Variants in ZNF714 observed in about 807,000 individuals in gnomAD.
The protein encoded by ZNF714 is zinc finger protein 714.
ZNF714 carries 32 observed loss-of-function variants against 46.2 expected under a neutral mutation model. The observed-to-expected ratio is 0.69, with a 90% CI of 0.52 to 0.93. ZNF714 has a LOEUF of 0.93. ZNF714 is among the 40% of genes least tolerant of loss of function. The probability of loss-of-function intolerance (pLI) is 0.00; values close to 1 mark genes in which losing one functional copy is unlikely to be tolerated. For synonymous variants in ZNF714, 199 were observed against 213.1 expected, an observed-to-expected ratio of 0.93 and a Z score of 0.58; for missense variants, 635 against 646.3, an observed-to-expected ratio of 0.98 and a Z score of 0.19.
In ZNF714 at chr19:21,098,097, C is replaced by T. The variant is rs188614372; in HGVS notation, c.-84-88C>T. On this transcript the variant is annotated intron_variant, in intron 2 of 4. Coordinates refer to ENST00000456283, the MANE Select transcript of ZNF714 (RefSeq NM_182515.4). ...CTTATAAGTCAACCAATTCTCTTTA[C>T]TCTCTCATTTCACCTTAATTCAAAT... is the stretch of plus-strand genomic sequence containing the variant. 6 of 1,501,304 alleles carry T rather than the reference C, an allele frequency of 4.0e-6. No individual in the cohort carries two copies. The African/African-American group carries it at 8.5e-5, about 21-fold the overall frequency. The allele number at this position is 1,501,304 out of a possible 1,614,324, so 93.0% of individuals were successfully genotyped here.
At chr19:21,088,571 A>G (rs1001162850) in intron 2 of ZNF714, among the ~76,000 whole-genome samples, 15 of 152,206 alleles carry the variant, frequency 9.9e-5, no homozygotes, top group Non-Finnish European at 1.5e-4. Context: ...TATTTTCCCA[A>G]TGATCTTTAA....
intron 4 of ZNF714, among the ~76,000 whole-genome samples, chr19:21,112,815 GA>G (rs1969480976): frequency 9.6e-5 from 4 of 41,690 alleles, no homozygotes; most frequent in Admixed American, 3.2e-4. Flanking sequence ...TTTTATTTCT[GA>G]TTTTTTTTTT....
chr19:21,082,368 C>A lies in ZNF714; in HGVS notation c.-177+20C>A, dbSNP rs566847329. 392 of 1,455,740 alleles carry A rather than the reference C, an allele frequency of 2.7e-4. No individual in the cohort carries two copies. The highest frequency in any genetic ancestry group is 3.4e-4 in the Non-Finnish European group (370 of 1,076,634). The allele number at this position is 1,455,740 out of a possible 1,614,324, so 90.2% of individuals were successfully genotyped here. A position where few individuals can be genotyped will look rare whatever the true frequency, so the allele number is the denominator to read the frequency against. The stretch of plus-strand genomic sequence containing the variant: ...GAAATGGTGAGAGTGCCGGGTCCGA[C>A]ATCCCGAGAGAGGGGAAGGGGCGGG... On this transcript the variant is annotated intron_variant, in intron 1 of 4. Coordinates refer to ENST00000456283, the MANE Select transcript of ZNF714 (RefSeq NM_182515.4).
chr19:21,096,714 G>C (rs1969049656), intron 2 of ZNF714, among the ~76,000 whole-genome samples: 1 of 152,100 alleles, frequency 6.6e-6, no homozygotes, highest in African/African-American at 2.4e-5. Flanking sequence ...GGAAGATGTG[G>C]ATACTCAAGA....
At chr19:21,104,084 T>G (rs112422727) in intron 4 of ZNF714, among the ~76,000 whole-genome samples, 42 of 152,152 alleles carry the variant, frequency 2.8e-4, no homozygotes, top group African/African-American at 1.0e-3. Context: ...GCTTAAGATA[T>G]CTCATATACA....
chr19:21,094,075 CTG>C (rs975487620), intron 2 of ZNF714, among the ~76,000 whole-genome samples: 4 of 152,264 alleles, frequency 2.6e-5, no homozygotes, highest in Non-Finnish European at 5.9e-5. Flanking sequence ...ACTGCAACCT[CTG>C]TCTCCTGGGT....
chr19:21,098,972 A>AC, intron 4 of ZNF714, 62 bp downstream of exon 4: 1 of 1,124,124 alleles, frequency 8.9e-7, no homozygotes. Context: ...AAAAAAAAAA[A>AC]AAGCAAGCCG....
chr19:21,116,150 C>A (rs903364782), intron 4 of ZNF714, among the ~76,000 whole-genome samples: 7 of 151,362 alleles, frequency 4.6e-5, no homozygotes, highest in African/African-American at 1.5e-4. Flanking sequence ...GGTTAGAGAT[C>A]CTGGTAGACT....
Position 21,087,071 on chromosome 19 carries a change from T to G in ZNF714, c.-85+3002T>G, listed in dbSNP as rs1968797789. On this transcript the variant is annotated intron_variant, in intron 2 of 4. Transcript: ENST00000456283. Reference sequence around the variant, plus strand: ...CAGTTCTCCATGAATACTGAAAGTTTTTTCTGTATTCTAATGTCACAATTT... The same window carrying G: ...CAGTTCTCCATGAATACTGAAAGTTGTTTCTGTATTCTAATGTCACAATTT... 2.0e-5 allele frequency among the ~76,000 whole-genome samples: 3 copies of G among 152,106 alleles called. No individual in the cohort carries two copies. The South Asian group carries it at 6.2e-4, about 31-fold the overall frequency.
In ZNF714 at chr19:21,118,212, G is replaced by A. The variant is rs1399788332; in HGVS notation, c.1548G>A (p.Leu516=). 6.3e-6 allele frequency: 10 copies of A among 1,598,168 alleles called. No homozygotes were observed. The highest frequency in any genetic ancestry group is 8.5e-6 in the Non-Finnish European group (10 of 1,171,192). The change falls in exon 5 of 5, where the codon TTG becomes TTA. Residue 516 remains leucine (L), a synonymous_variant. Transcript: ENST00000456283. ...CTCATGCCTGTAATCCCAACACTTT[G>A]AGAGGACTAGGTGAGCAGATCGCGA... is the stretch of plus-strand genomic sequence containing the variant. The part of the protein sequence containing the change: ...MVAHACNPNT[L]RGLGEQIARS...
intron 4 of ZNF714, among the ~76,000 whole-genome samples, chr19:21,101,572 G>A (rs577202106): frequency 6.6e-5 from 10 of 152,278 alleles, no homozygotes; most frequent in Admixed American, 2.6e-4. Flanking sequence ...GATTTCCTCA[G>A]GTCACTGTGT....
intron 2 of ZNF714, among the ~76,000 whole-genome samples, chr19:21,095,392 G>T (rs1274638242): frequency 1.3e-5 from 2 of 152,094 alleles, no homozygotes; most frequent in African/African-American, 4.8e-5. Context: ...TGGATTATCA[G>T]TAAATACCGT....
chr19:21,099,796 T>TAG (rs1213957219), intron 4 of ZNF714, among the ~76,000 whole-genome samples: 1 of 152,220 alleles, frequency 6.6e-6, no homozygotes, highest in Non-Finnish European at 1.5e-5. Flanking sequence ...ATTGAATGTG[T>TAG]AGATGACTTT....
chr19:21,095,524 G>A (rs895677902), intron 2 of ZNF714, among the ~76,000 whole-genome samples: 2 of 151,512 alleles, frequency 1.3e-5, no homozygotes, highest in African/African-American at 4.9e-5. Flanking sequence ...GTGCAGTGGT[G>A]TGATCTCAGC....
At chr19:21,104,869 GC>G (rs1969274256) in intron 4 of ZNF714, among the ~76,000 whole-genome samples, 1 of 151,894 alleles carries the variant, frequency 6.6e-6, no homozygotes, top group Non-Finnish European at 1.5e-5. Flanking sequence ...ACCTGACTCG[GC>G]CTCCCAAAGT....
At chr19:21,090,493 C>T (rs745510182) in intron 2 of ZNF714, among the ~76,000 whole-genome samples, 18 of 152,138 alleles carry the variant, frequency 1.2e-4, no homozygotes, top group Admixed American at 3.3e-4. Context: ...ATGAATATCC[C>T]GTAGTGTCAA....
intron 4 of ZNF714, among the ~76,000 whole-genome samples, chr19:21,104,150 A>G (rs1454908185): frequency 6.6e-6 from 1 of 152,206 alleles, no homozygotes; most frequent in East Asian, 1.9e-4. Flanking sequence ...CCATGACATA[A>G]TATTTTCAAA....
At position 21,117,145 on chromosome 19, in the gene ZNF714, C is replaced by G; in HGVS notation, c.481C>G (p.His161Asp). 6.2e-7 allele frequency: 1 copy of G among 1,613,820 alleles called. No homozygotes were observed. Among genetic ancestry groups the G allele is most frequent in the Non-Finnish European group, 8.5e-7 (1 of 1,179,854 alleles). Residue 161 changes from histidine (H) to aspartate (D), a missense_variant, in exon 5 of 5, where the codon CAT (histidine) becomes GAT (aspartate). His to Asp is a moderately conservative substitution (Grantham distance 81, BLOSUM62 -1). Transcript: ENST00000456283. ...ATCATTTTGCATGCTTTTACACCTA[C>G]ATCAACATAAAAGAATTCATATTAG... ...DESFCMLLHLHQHKRIHIREN... is the reference protein window; with the variant it reads ...DESFCMLLHLDQHKRIHIREN...
Position 21,121,547 on chromosome 19 carries a change from A to G in ZNF714, c.*3215A>G, listed in dbSNP as rs1302702609. 2.6e-5 allele frequency: 4 copies of G among 152,170 alleles called. No homozygotes were observed. Among genetic ancestry groups the G allele is most frequent in the East Asian group, 1.9e-4 (1 of 5,200 alleles). 9.4% of individuals were successfully genotyped at this position (152,170 alleles called of 1,614,324 possible). A position where few individuals can be genotyped will look rare whatever the true frequency, so the allele number is the denominator to read the frequency against. On this transcript the variant is annotated 3_prime_UTR_variant, in exon 5 of 5. Coordinates refer to ENST00000456283, the MANE Select transcript of ZNF714 (RefSeq NM_182515.4). The stretch of plus-strand genomic sequence containing the variant: ...CAAACATGCAGACTTTTTGATTCAC[A>G]TAGAGTTAAATATGTATTAGTCTAA...
Sources: allele counts gnomAD v4.1 joint callset (sites outside exome capture counted in the v4.1 genomes callset), GRCh38; gene constraint gnomAD v4.1.1; transcripts MANE v1.5; gene names NCBI Gene and HGNC (gene_info 2026-07-23, HGNC 2026-07-21).